TRPV3: variants seen among roughly 807,000 people sequenced by gnomAD.
TRPV3 encodes VRL-3.
Under a neutral mutation model 87.1 loss-of-function variants are expected in TRPV3, and 88 were observed. That is an observed-to-expected ratio of 1.01 (90% CI 0.85 to 1.21). The LOEUF (loss-of-function observed/expected upper bound fraction) is 1.21. TRPV3 is among the 50% of genes most tolerant of loss of function. The pLI, the probability that TRPV3 is intolerant of heterozygous loss-of-function variation, is 0.00. For synonymous variants in TRPV3, 438 were observed against 423.3 expected (o/e 1.03, Z -0.43); for missense variants, 1,054 against 1,030.1 (o/e 1.02, Z -0.32).
chr17:3,545,463 A>G (rs1039075110), intron 2 of TRPV3, among the ~76,000 whole-genome samples, 192 bp from the exon 3 acceptor site: 2 of 152,222 alleles, frequency 1.3e-5, no homozygotes, highest in African/African-American at 4.8e-5. Context: ...TACGTTTCAC[A>G]GATGGTCTCC....
Position 3,524,231 on chromosome 17 carries a change from C to G in TRPV3, c.1710G>C (p.Gln570His), listed in dbSNP as rs774375006. ...ANMLYYTRGF[Q>H]SMGMYSVMIQ... ...TCATGACGCTGTACATGCCCATGGACTGGAAACCCCGCGTATAGTAGAGCA... is the reference window on the plus strand; with the variant it reads ...TCATGACGCTGTACATGCCCATGGAGTGGAAACCCCGCGTATAGTAGAGCA... Residue 570 changes from glutamine to histidine, a missense_variant, in exon 13 of 18, where the codon CAG (glutamine) becomes CAC (histidine). Coordinates refer to ENST00000576742, the MANE Select transcript of TRPV3 (RefSeq NM_145068.4). 6.2e-7 allele frequency: 1 copy of G among 1,614,248 alleles called. No individual in the cohort carries two copies. Among genetic ancestry groups the G allele is most frequent in the Admixed American group, 1.7e-5 (1 of 60,024 alleles).
chr17:3,540,503 G>A (rs953801177), intron 6 of TRPV3, among the ~76,000 whole-genome samples: 5 of 152,140 alleles, frequency 3.3e-5, no homozygotes, highest in African/African-American at 4.8e-5. Flanking sequence ...ATCTGTGACC[G>A]GGACAGCAAA....
At chr17:3,531,434 C>T (rs1222422095) in intron 8 of TRPV3, among the ~76,000 whole-genome samples, 1 of 148,658 alleles carries the variant, frequency 6.7e-6, no homozygotes, top group Admixed American at 6.9e-5. Context: ...GCACCCCAGC[C>T]TATAAAAGCC....
chr17:3,544,632 G>C lies in TRPV3; in HGVS notation c.258C>G (p.Pro86=). 2 of 1,609,610 alleles carry C rather than the reference G, an allele frequency of 1.2e-6. No homozygotes were observed. Among genetic ancestry groups the C allele is most frequent in the Non-Finnish European group, 1.7e-6 (2 of 1,179,158 alleles). ...ISGNCDDMDS[P]QSPQDDVTET... is the part of the protein sequence containing the mutation. ...CTGTCACATCATCCTGAGGAGACTGGGGGGAGTCCATGTCATCACAGTTAC... is the reference window on the plus strand; with the variant it reads ...CTGTCACATCATCCTGAGGAGACTGCGGGGAGTCCATGTCATCACAGTTAC... The change falls in exon 4 of 18, where the codon CCC becomes CCG. Residue 86 remains proline (P), a synonymous_variant. Coordinates refer to ENST00000576742, the MANE Select transcript of TRPV3 (RefSeq NM_145068.4).
At chr17:3,548,394 CAT>C (rs2074544604) in intron 2 of TRPV3, among the ~76,000 whole-genome samples, 1 of 152,216 alleles carries the variant, frequency 6.6e-6, no homozygotes, top group African/African-American at 2.4e-5. Context: ...CATCCAGGCT[CAT>C]AGTCCACACT....
At position 3,526,899 on chromosome 17, in the gene TRPV3, G is replaced by A. The variant is rs756284903; in HGVS notation, c.1532C>T (p.Ser511Leu). The change falls in exon 12 of 18, where the codon TCG becomes TTG. Residue 511 changes from serine (S) to leucine (L), a missense_variant. Coordinates refer to ENST00000576742, the MANE Select transcript of TRPV3 (RefSeq NM_145068.4). ...ATCCGAGAGGATGGACTGCAGATCC[G>A]AGGGTCTCAGCAGGAAGATGGCAAT... ...EGIAIFLLRPSDLQSILSDAW... is the reference protein window; with the variant it reads ...EGIAIFLLRPLDLQSILSDAW... The A allele has an allele frequency of 1.9e-5, 30 of 1,612,092 alleles. No homozygotes were observed. Among genetic ancestry groups the A allele is most frequent in the South Asian group, 3.3e-5 (3 of 90,404 alleles).
intron 14 of TRPV3, among the ~76,000 whole-genome samples, chr17:3,519,856 G>A (rs2074227839): frequency 1.6e-5 from 1 of 61,470 alleles, no homozygotes; most frequent in African/African-American, 4.4e-5. Flanking sequence ...ATGACTGGAT[G>A]GATGGATGGA....
chr17:3,527,241 C>A (rs79451710), intron 11 of TRPV3, among the ~76,000 whole-genome samples: 4 of 152,170 alleles, frequency 2.6e-5, no homozygotes, highest in Non-Finnish European at 4.4e-5. Flanking sequence ...TTCCAGCCTC[C>A]GAGCCTTTGC....
chr17:3,540,930 T>C (rs322943), intron 6 of TRPV3, among the ~76,000 whole-genome samples: 69,581 of 152,138 alleles, frequency 0.46, 18,089 homozygotes, highest in East Asian at 0.68. Flanking sequence ...CCACTCCATA[T>C]CTTCTAGTTT....
At chr17:3,551,030 G>T (rs532991491) in intron 2 of TRPV3, among the ~76,000 whole-genome samples, 17 of 152,324 alleles carry the variant, frequency 1.1e-4, no homozygotes, top group South Asian at 6.2e-4. Context: ...AGGAAGAGAA[G>T]ATCCTTCCAG....
At chr17:3,550,766 C>T (rs1249577913) in intron 2 of TRPV3, among the ~76,000 whole-genome samples, 1 of 151,974 alleles carries the variant, frequency 6.6e-6, no homozygotes, top group Non-Finnish European at 1.5e-5. Flanking sequence ...CCTCATGATC[C>T]ACCCTCCTCG....
At chr17:3,516,267 C>CA (rs1317271949) in intron 16 of TRPV3, among the ~76,000 whole-genome samples, 190 bp downstream of exon 16, 1 of 152,122 alleles carries the variant, frequency 6.6e-6, no homozygotes. Context: ...TTCTGAAGCT[C>CA]AGGAACCCCC....
chr17:3,531,173 T>C (rs365350), intron 8 of TRPV3, among the ~76,000 whole-genome samples: 94,097 of 152,042 alleles, frequency 0.62, 29,365 homozygotes, highest in East Asian at 0.79. Context: ...AGCTTCCTGG[T>C]TGGCTCCAAA....
intron 2 of TRPV3, chr17:3,552,752 G>C (rs1177183981): frequency 6.6e-6 from 1 of 152,258 alleles, no homozygotes; most frequent in Non-Finnish European, 1.5e-5. Flanking sequence ...AAAGGACGTG[G>C]GATTTTCCCA....
Position 3,530,290 on chromosome 17 carries a change from AG to A in TRPV3, c.1066-88del, listed in dbSNP as rs1323251509. 7.2e-7 allele frequency: 1 copy of A among 1,394,226 alleles called. No homozygotes were observed. The highest frequency in any genetic ancestry group is 2.3e-5 in the Admixed American group (1 of 43,918). 86.4% of individuals were successfully genotyped at this position (1,394,226 alleles called of 1,614,324 possible). On this transcript the variant is annotated intron_variant, in intron 8 of 17. Coordinates refer to ENST00000576742, the MANE Select transcript of TRPV3 (RefSeq NM_145068.4). The surrounding 1 kb of genome is among the most constrained non-coding windows in gnomAD (Gnocchi z 4.0). ...GACCAGCCAGAGGCTGGCTGGGCCC[AG>A]GGGATACACCCGCCCAGAATGGGTG...
intron 2 of TRPV3, among the ~76,000 whole-genome samples, chr17:3,550,128 T>C (rs529256110): frequency 6.6e-6 from 1 of 152,162 alleles, no homozygotes; most frequent in African/African-American, 2.4e-5. Flanking sequence ...AATAAGCAGA[T>C]AAACCAACAT....
chr17:3,514,458 A>G (rs908776767), intron 17 of TRPV3, 135 bp downstream of exon 17: 1 of 660,798 alleles, frequency 1.5e-6, no homozygotes, highest in Admixed American at 2.5e-5. Flanking sequence ...CAGAGCTGGA[A>G]GAGACCTAAG....
rs541614971 is a variant in TRPV3, at chr17:3,528,079, C to T, written c.1449G>A (p.Gln483=). 81 of 1,613,746 alleles carry T rather than the reference C, an allele frequency of 5.0e-5. 1 individual carries two copies. In the South Asian group the frequency reaches 7.1e-4, roughly 14 times the overall value. The change falls in exon 11 of 18, where the codon CAG becomes CAA. Residue 483 remains glutamine, a synonymous_variant. Coordinates refer to ENST00000576742, the MANE Select transcript of TRPV3 (RefSeq NM_145068.4). This position sits in a 1 kb window ranked among gnomAD's most constrained non-coding sequence, Gnocchi z 4.2. ...LALTHKMGWL[Q]LLGRMFVLIW... is the part of the protein sequence containing the mutation. ...TGAGCACAAACATCCTCCCTAGGAGCTGCAGCCACCCCATCTTGTGCGTCA... is the reference window on the plus strand; with the variant it reads ...TGAGCACAAACATCCTCCCTAGGAGTTGCAGCCACCCCATCTTGTGCGTCA...
chr17:3,519,512 AGATG>A (rs1164210446), intron 14 of TRPV3, among the ~76,000 whole-genome samples: 7 of 56,524 alleles, frequency 1.2e-4, no homozygotes, highest in African/African-American at 4.4e-4. Flanking sequence ...ATGGGTGATT[AGATG>A]GATGGATGGA....
Sources: gnomAD v4.1 joint callset for allele counts (sites outside exome capture counted in the v4.1 genomes callset) on GRCh38, gnomAD v4.1.1 for gene constraint, Gnocchi (gnomAD v3.1) non-coding constraint, MANE v1.5 for transcripts, NCBI Gene and HGNC (gene_info 2026-07-23, HGNC 2026-07-21) for gene names.